Variants in UGT1A6 observed in about 807,000 individuals in gnomAD.
UGT1A6 encodes the protein UDP glucuronosyltransferase family 1 member A6.
In UGT1A6, 32 loss-of-function variants were observed where a neutral mutation model predicts 44.4. The observed-to-expected ratio is 0.72, with a 90% confidence interval of 0.54 to 0.97. The LOEUF is 0.97. Ranked by LOEUF, UGT1A6 falls within the 50% of genes least tolerant of loss-of-function variation. The pLI is 0.00. For missense variants in UGT1A6, 685 were observed against 661.9 expected, an observed-to-expected ratio of 1.03 and a Z score of -0.38; for synonymous variants, 238 against 248.5, an observed-to-expected ratio of 0.96 and a Z score of 0.40.
chr2:233,700,788 T>C (rs992133677), intron 1 of UGT1A6, among the ~76,000 whole-genome samples: 2 of 152,148 alleles, frequency 1.3e-5, no homozygotes, highest in African/African-American at 4.8e-5. Flanking sequence ...TTGTTACATA[T>C]GTATACATGT....
At position 233,768,160 on chromosome 2, in the gene UGT1A6, G is replaced by A. The variant is rs35295390; in HGVS notation, c.1082-60G>A. The A allele has an allele frequency of 1.5e-4, 241 of 1,613,276 alleles. 1 individual carries two copies. The African/African-American group carries it at 2.5e-3, about 17-fold the overall frequency. ...TTTGGAGTGTTTTCAGAACCTAGAT[G>A]TGTCCAGCTGTGAAACTCAGAGATG... On this transcript the variant is annotated intron_variant, in intron 3 of 4. Coordinates refer to ENST00000305139, the MANE Select transcript of UGT1A6 (RefSeq NM_001072.4).
chr2:233,747,514 T>C, intron 1 of UGT1A6: 2 of 1,607,704 alleles, frequency 1.2e-6, no homozygotes, highest in Non-Finnish European at 1.7e-6. Context: ...CAACTGTACT[T>C]TGAAACAGAA....
At chr2:233,733,420 A>C (rs1380282532) in intron 1 of UGT1A6, among the ~76,000 whole-genome samples, 1 of 152,116 alleles carries the variant, frequency 6.6e-6, no homozygotes, top group African/African-American at 2.4e-5. Context: ...GTTTTCGCCT[A>C]CTCAGTATGA....
chr2:233,749,993 A>G (rs1274473533), intron 1 of UGT1A6, among the ~76,000 whole-genome samples: 2 of 151,856 alleles, frequency 1.3e-5, no homozygotes, highest in African/African-American at 4.9e-5. Context: ...GGACTAATAT[A>G]TTAAATTGGT....
At chr2:233,724,616 A>G (rs1272426600) in intron 1 of UGT1A6, among the ~76,000 whole-genome samples, 3 of 132,176 alleles carry the variant, frequency 2.3e-5, no homozygotes, top group Non-Finnish European at 4.8e-5. Flanking sequence ...CCGGGCAGAG[A>G]CGCTCCTCAC....
intron 1 of UGT1A6, among the ~76,000 whole-genome samples, chr2:233,696,651 C>T (rs2075353274): frequency 6.6e-6 from 1 of 152,116 alleles, no homozygotes. Flanking sequence ...GATAGGACTT[C>T]CAGTACTATG....
Position 233,695,363 on chromosome 2 carries a change from G to A in UGT1A6, c.861+1498G>A, listed in dbSNP as rs375614605. ...ATGGTCTCAATCTCTTGACCTCGTGGTCCGCCCACCCCAGCCTCCCAAAGT... is the reference window on the plus strand; with the variant it reads ...ATGGTCTCAATCTCTTGACCTCGTGATCCGCCCACCCCAGCCTCCCAAAGT... On this transcript the variant is annotated intron_variant, in intron 1 of 4. Coordinates refer to ENST00000305139, the MANE Select transcript of UGT1A6 (RefSeq NM_001072.4). Among the ~76,000 whole-genome samples the A allele has an allele frequency of 4.4e-3, 673 of 151,584 alleles. 7 individuals carry two copies. Among genetic ancestry groups the A allele is most frequent in the African/African-American group, 0.016 (648 of 41,388 alleles).
intron 1 of UGT1A6, chr2:233,717,716 G>A (rs2076600817): frequency 2.2e-6 from 1 of 453,938 alleles, no homozygotes; most frequent in Admixed American, 2.4e-5. Flanking sequence ...GAGCCTCATG[G>A]GCATGAGACC....
intron 1 of UGT1A6, among the ~76,000 whole-genome samples, chr2:233,717,616 G>A (rs555691364): frequency 2.6e-5 from 4 of 152,224 alleles, no homozygotes; most frequent in African/African-American, 9.6e-5. Context: ...ACAGCCCAGA[G>A]AGCCTGCCCA....
At chr2:233,732,951 G>A (rs1167941280) in intron 1 of UGT1A6, among the ~76,000 whole-genome samples, 3 of 152,104 alleles carry the variant, frequency 2.0e-5, no homozygotes, top group Admixed American at 6.5e-5. Context: ...AGCATGGAAT[G>A]TTCTTCCATT....
At chr2:233,729,032 T>C in intron 1 of UGT1A6, 2 of 1,601,672 alleles carry the variant, frequency 1.2e-6, no homozygotes. Flanking sequence ...GTTGATTTGC[T>C]AAGTGGCTCA....
intron 1 of UGT1A6, among the ~76,000 whole-genome samples, chr2:233,715,794 A>C (rs146761733): frequency 1.4e-4 from 21 of 152,268 alleles, no homozygotes; most frequent in African/African-American, 4.8e-4. Flanking sequence ...ATTTATTTGG[A>C]ATGTGAAAAT....
At chr2:233,709,397 A>ATG (rs1316902084) in intron 1 of UGT1A6, among the ~76,000 whole-genome samples, 2 of 152,196 alleles carry the variant, frequency 1.3e-5, no homozygotes, top group Non-Finnish European at 2.9e-5. Context: ...TTAATAATCT[A>ATG]TGGGTGAACA....
rs552821881 is a variant in UGT1A6, at chr2:233,706,635, T to C, written c.861+12770T>C. ...AGACTAGAGAAATGAGTGTTTCTAC[T>C]GTGTCTGTGCCCCATCACTGTAGGT... On this transcript the variant is annotated intron_variant, in intron 1 of 4. Transcript: ENST00000305139. Among the ~76,000 whole-genome samples, 3 of 152,330 alleles carry C rather than the reference T, an allele frequency of 2.0e-5. No homozygotes were observed. The South Asian group carries it at 6.2e-4, about 32-fold the overall frequency.
At chr2:233,763,879 G>A (rs983056292) in intron 1 of UGT1A6, among the ~76,000 whole-genome samples, 2 of 152,162 alleles carry the variant, frequency 1.3e-5, no homozygotes, top group South Asian at 2.1e-4. Flanking sequence ...CTGGGTCTGA[G>A]AAAAATAACT....
chr2:233,717,084 A>G (rs1344927220), intron 1 of UGT1A6, among the ~76,000 whole-genome samples: 1 of 152,206 alleles, frequency 6.6e-6, no homozygotes, highest in Non-Finnish European at 1.5e-5. Context: ...ACCAGAAATC[A>G]GATGACATCA....
At chr2:233,724,343 C>G (rs2077229660) in intron 1 of UGT1A6, among the ~76,000 whole-genome samples, 1 of 142,886 alleles carries the variant, frequency 7.0e-6, no homozygotes, top group Non-Finnish European at 1.5e-5. Context: ...GGGGCTGACC[C>G]CCCCCACCTC....
chr2:233,733,436 G>T (rs2078397447), intron 1 of UGT1A6, among the ~76,000 whole-genome samples: 1 of 152,134 alleles, frequency 6.6e-6, no homozygotes, highest in African/African-American at 2.4e-5. Flanking sequence ...TATGATATTG[G>T]CTGCGGGTTT....
chr2:233,705,692 A>G (rs2075866354), intron 1 of UGT1A6, among the ~76,000 whole-genome samples: 1 of 152,226 alleles, frequency 6.6e-6, no homozygotes, highest in African/African-American at 2.4e-5. Flanking sequence ...AACGACTGGT[A>G]TAAAAATTCA....
Sources: allele counts gnomAD v4.1 joint callset (sites outside exome capture counted in the v4.1 genomes callset), GRCh38; gene constraint gnomAD v4.1.1; transcripts MANE v1.5; gene names NCBI Gene and HGNC (gene_info 2026-07-23, HGNC 2026-07-21).